UBE2Q2: variants seen among roughly 807,000 people sequenced by gnomAD.
UBE2Q2 encodes the protein ubiquitin-conjugating enzyme E2 Q2.
A neutral mutation model predicts 59.9 loss-of-function variants in UBE2Q2; 54 were observed. The observed-to-expected ratio is 0.90, with a 90% CI of 0.72 to 1.13. The LOEUF is 1.13. UBE2Q2 is among the 50% of genes most tolerant of loss of function. The pLI, the probability that UBE2Q2 is intolerant of heterozygous loss-of-function variation, is 0.00. For synonymous variants in UBE2Q2, 165 were observed against 155.2 expected (o/e 1.06, Z -0.47); for missense variants, 433 against 441.9 (o/e 0.98, Z 0.18).
At position 75,861,246 on chromosome 15, in the gene UBE2Q2, T is replaced by C. The variant is rs535531604; in HGVS notation, c.387+1264T>C. On this transcript the variant is annotated intron_variant, in intron 3 of 12. Transcript: ENST00000267938. ...CCCTCACACTTGATTGGTAGTTTGG[T>C]TGATTATATATTTCTAGGTTGAAGA... 2.0e-5 allele frequency among the ~76,000 whole-genome samples: 3 copies of C among 152,240 alleles called. No homozygotes were observed. In the South Asian group the frequency reaches 6.2e-4, roughly 32 times the overall value.
intron 5 of UBE2Q2, among the ~76,000 whole-genome samples, chr15:75,875,157 A>C (rs1437494122): frequency 6.6e-6 from 1 of 152,222 alleles, no homozygotes; most frequent in East Asian, 1.9e-4. Flanking sequence ...CATGATGGAT[A>C]CTATGCCAAG....
chr15:75,864,436 GAA>G, intron 3 of UBE2Q2, among the ~76,000 whole-genome samples: 1 of 152,108 alleles, frequency 6.6e-6, no homozygotes, highest in Non-Finnish European at 1.5e-5. Context: ...ACACACAGGA[GAA>G]CCCTCCACAA....
rs1051540136 is a variant in UBE2Q2 at position 75,876,123 on chromosome 15, C to G, written c.589-64C>G. On this transcript the variant is annotated intron_variant, in intron 5 of 12. Coordinates refer to ENST00000267938, the MANE Select transcript of UBE2Q2 (RefSeq NM_173469.4). ...CCATTTTTGCTGTAATCTTTTAGATCAGGTTGAAATATCTTAAATCTTAGC... is the reference window on the plus strand; with the variant it reads ...CCATTTTTGCTGTAATCTTTTAGATGAGGTTGAAATATCTTAAATCTTAGC... 3.4e-5 allele frequency: 47 copies of G among 1,390,648 alleles called. No individual in the cohort carries two copies. The South Asian group carries it at 5.3e-4, about 16-fold the overall frequency. 86.1% of individuals were successfully genotyped at this position (1,390,648 alleles called of 1,614,324 possible).
At chr15:75,878,146 A>G (rs536296499) in intron 7 of UBE2Q2, 125 bp downstream of exon 7, 113 of 726,430 alleles carry the variant, frequency 1.6e-4, no homozygotes, top group Non-Finnish European at 2.3e-4. Flanking sequence ...CTTTGTTTCT[A>G]TAGAAATAGT....
Position 75,878,031 on chromosome 15 carries a change from T to C in UBE2Q2, c.734+10T>C. On this transcript the variant is annotated intron_variant, in intron 7 of 12. Coordinates refer to ENST00000267938, the MANE Select transcript of UBE2Q2 (RefSeq NM_173469.4). ...ATGTTAAACTGCAGAAGTAAGTGGC[T>C]TTTTAATGCTCACCCACTCTTTGCA... The C allele has an allele frequency of 6.2e-7, 1 of 1,612,766 alleles. No individual in the cohort carries two copies. The highest frequency in any genetic ancestry group is 8.5e-7 in the Non-Finnish European group (1 of 1,179,054).
Position 75,890,466 on chromosome 15 carries a change from G to A in UBE2Q2, c.916G>A (p.Glu306Lys). 1 of 1,608,222 alleles carries A rather than the reference G, an allele frequency of 6.2e-7. No homozygotes were observed. Among genetic ancestry groups the A allele is most frequent in the African/African-American group, 1.3e-5 (1 of 74,684 alleles). Residue 306 changes from glutamate (E) to lysine (K), a missense_variant, in exon 10 of 13, where the codon GAA becomes AAA. Glu to Lys is a moderately conservative substitution (Grantham distance 56). Coordinates refer to ENST00000267938, the MANE Select transcript of UBE2Q2 (RefSeq NM_173469.4). ...ATTGGGTGGAGGAGCATTATGTATG[G>A]AACTTCTCACAAAACAGGTGACTTT... The part of the protein sequence containing the change: ...YVLGGGALCM[E>K]LLTKQGWSSA...
chr15:75,891,123 T>C (rs1899075696), intron 11 of UBE2Q2, 109 bp downstream of exon 11: 1 of 845,868 alleles, frequency 1.2e-6, no homozygotes, highest in South Asian at 2.1e-5. Context: ...TCATTTTCAT[T>C]TGGTTTGTTT....
chr15:75,899,473 G>GT lies in UBE2Q2; in HGVS notation c.*16dup. 6.3e-7 allele frequency: 1 copy of GT among 1,587,324 alleles called. No individual in the cohort carries two copies. Among genetic ancestry groups the GT allele is most frequent in the East Asian group, 2.3e-5 (1 of 43,068 alleles). ...AAGATGGCTAAATGTGTTGACTGTT[G>GT]TATGTTTGGACTAATGTTGCTTTAA... is the stretch of plus-strand genomic sequence containing the variant. On this transcript the variant is annotated 3_prime_UTR_variant, in exon 13 of 13. Coordinates refer to ENST00000267938, the MANE Select transcript of UBE2Q2 (RefSeq NM_173469.4).
chr15:75,845,087 A>C (rs1222041311), intron 1 of UBE2Q2, among the ~76,000 whole-genome samples: 1 of 152,028 alleles, frequency 6.6e-6, no homozygotes, highest in East Asian at 1.9e-4. Flanking sequence ...CTCAGAACTC[A>C]GTCTTCTTGG....
Position 75,897,028 on chromosome 15 carries a change from T to C in UBE2Q2, c.1063T>C (p.Tyr355His). 6.4e-7 allele frequency: 1 copy of C among 1,574,036 alleles called. No individual in the cohort carries two copies. Among genetic ancestry groups the C allele is most frequent in the East Asian group, 2.3e-5 (1 of 43,524 alleles). Residue 355 changes from tyrosine to histidine, a missense_variant, in exon 12 of 13, where the codon TAT (tyrosine) becomes CAT (histidine). Physicochemically the swap from Tyr to His is moderately conservative, Grantham distance 83. Transcript: ENST00000267938. ...TAATCTAGCAAGAGCCCAACAATCC[T>C]ATAATTCCATTGTACAGATACATGA... Reference protein sequence around the residue: ...QYNLARAQQSYNSIVQIHEKN... With the variant: ...QYNLARAQQSHNSIVQIHEKN...
rs1465201137 is a variant in UBE2Q2, at chr15:75,877,910, A to G, written c.674-51A>G. On this transcript the variant is annotated intron_variant, in intron 6 of 12. Coordinates refer to ENST00000267938, the MANE Select transcript of UBE2Q2 (RefSeq NM_173469.4). ...TAGTGTATACATTTATACCATAGTA[A>G]TAGTTATATGATGAAATGAAGAGTA... 1.9e-6 allele frequency: 3 copies of G among 1,541,496 alleles called. No homozygotes were observed. The Admixed American group carries it at 5.2e-5, about 27-fold the overall frequency.
chr15:75,854,410 A>G lies in UBE2Q2; in HGVS notation c.205A>G (p.Ile69Val). 1 of 1,613,198 alleles carries G rather than the reference A, an allele frequency of 6.2e-7. No homozygotes were observed. The highest frequency in any genetic ancestry group is 1.1e-5 in the South Asian group (1 of 90,978). ...ITESYPSSSP[I>V]WFVDSEDPNL... ...GGAATCCTATCCATCTTCTTCACCG[A>G]TATGGTTTGTGGATTCTGAAGACCC... The change falls in exon 2 of 13, where the codon ATA (isoleucine) becomes GTA (valine). Residue 69 changes from isoleucine (I) to valine (V), a missense_variant. Transcript: ENST00000267938.
At chr15:75,858,152 C>G (rs908512485) in intron 2 of UBE2Q2, among the ~76,000 whole-genome samples, 7 of 152,166 alleles carry the variant, frequency 4.6e-5, no homozygotes, top group African/African-American at 1.7e-4. Flanking sequence ...TGTGCTTTCT[C>G]TGAGTAATAT....
intron 1 of UBE2Q2, among the ~76,000 whole-genome samples, chr15:75,850,865 TA>T (rs1438073316): frequency 1.3e-5 from 2 of 152,344 alleles, no homozygotes; most frequent in Admixed American, 1.3e-4. Context: ...CAGAAATATT[TA>T]AAACATTAAC....
chr15:75,847,845 A>AT lies in UBE2Q2; in HGVS notation c.180+4005dup, dbSNP rs536592218. On this transcript the variant is annotated intron_variant, in intron 1 of 12. Transcript: ENST00000267938. ...TTAGCTAGTAAACAAATGAAACTTC[A>AT]TTTTTTATATTACTTGTAGAGCATA... is the stretch of plus-strand genomic sequence containing the variant. Among the ~76,000 whole-genome samples, 10 of 152,294 alleles carry AT rather than the reference A, an allele frequency of 6.6e-5. No individual in the cohort carries two copies. In the South Asian group the frequency reaches 1.9e-3, roughly 28 times the overall value.
intron 3 of UBE2Q2, among the ~76,000 whole-genome samples, chr15:75,863,861 C>T (rs746787481): frequency 4.6e-5 from 7 of 152,010 alleles, no homozygotes; most frequent in East Asian, 1.9e-4. Flanking sequence ...AGGCTGGTCT[C>T]GAACTCCTGA....
At chr15:75,854,650 A>G (rs1276837429) in intron 2 of UBE2Q2, among the ~76,000 whole-genome samples, 163 bp downstream of exon 2, 3 of 152,108 alleles carry the variant, frequency 2.0e-5, no homozygotes, top group Non-Finnish European at 2.9e-5. Context: ...TCTATTTACT[A>G]CCTGGTCTCT....
At chr15:75,854,532 T>C in intron 2 of UBE2Q2, 45 bp downstream of exon 2, 2 of 1,187,522 alleles carry the variant, frequency 1.7e-6, no homozygotes, top group Non-Finnish European at 2.4e-6. Flanking sequence ...TCATGAACAT[T>C]ACATATAGAA....
chr15:75,873,524 A>G lies in UBE2Q2; in HGVS notation c.544A>G (p.Ile182Val). 13 of 1,613,988 alleles carry G rather than the reference A, an allele frequency of 8.1e-6. No homozygotes were observed. Among genetic ancestry groups the G allele is most frequent in the Non-Finnish European group, 1.1e-5 (13 of 1,179,944 alleles). ...DEGIEKENLA[I>V]LEKIRKTQRQ... ...AGGAATTGAAAAAGAAAATTTGGCA[A>G]TATTAGAGAAAATTAGGAAGACTCA... The change falls in exon 5 of 13, where the codon ATA (isoleucine) becomes GTA (valine). Residue 182 changes from isoleucine to valine, a missense_variant. Ile to Val is a conservative substitution (Grantham distance 29, BLOSUM62 3). Coordinates refer to ENST00000267938, the MANE Select transcript of UBE2Q2 (RefSeq NM_173469.4).
Sources: allele counts gnomAD v4.1 joint callset (sites outside exome capture counted in the v4.1 genomes callset), GRCh38; gene constraint gnomAD v4.1.1; transcripts MANE v1.5; gene names NCBI Gene and HGNC (gene_info 2026-07-23, HGNC 2026-07-21).